DHRSX: variants seen among roughly 807,000 people sequenced by gnomAD.
DHRSX encodes the protein dehydrogenase/reductase X-linked.
Under a neutral mutation model 34.0 loss-of-function variants are expected in DHRSX, and 31 were observed. The ratio of observed to expected loss-of-function variants is 0.91; its 90% confidence interval spans 0.69 to 1.23. The LOEUF is 1.23. DHRSX is among the 50% of genes most tolerant of loss of function. The pLI is 0.00. For synonymous variants in DHRSX, 201 were observed against 183.8 expected, an observed-to-expected ratio of 1.09 and a Z score of -0.76; for missense variants, 414 against 428.1, an observed-to-expected ratio of 0.97 and a Z score of 0.29.
At chrX:2,350,032 C>A (rs1227419807) in intron 3 of DHRSX, among the ~76,000 whole-genome samples, 1 of 150,110 alleles carries the variant, frequency 6.7e-6, no homozygotes, top group Non-Finnish European at 1.5e-5. Flanking sequence ...GAGACTCTGT[C>A]TCAAGAAAAA....
rs374906907 is a variant in DHRSX, at chrX:2,304,204, A to AATGGATGGATGG, written c.287-12613_287-12602dup. On this transcript the variant is annotated intron_variant, in intron 3 of 6. Transcript: ENST00000334651. ...GGATGGATGGATGGATGGATGGATA[A>AATGGATGGATGG]ATGGATGGATGGATGGATGGATGGA... Among the ~76,000 whole-genome samples, 63 of 62,128 alleles carry AATGGATGGATGG rather than the reference A, an allele frequency of 1.0e-3. 1 individual carries two copies. The highest frequency in any genetic ancestry group is 2.4e-3 in the Admixed American group (13 of 5,474). The allele number at this position is 62,128 out of a possible 152,430, so 40.8% of individuals were successfully genotyped here. A position where few individuals can be genotyped will look rare whatever the true frequency, so the allele number is the denominator to read the frequency against.
intron 3 of DHRSX, among the ~76,000 whole-genome samples, chrX:2,358,160 C>T (rs767623235): frequency 6.6e-6 from 1 of 152,062 alleles, no homozygotes; most frequent in Non-Finnish European, 1.5e-5. Context: ...TTTAAAGTTA[C>T]GAAAGTTTCA....
intron 1 of DHRSX, among the ~76,000 whole-genome samples, chrX:2,456,991 T>G (rs1481477776): frequency 1.3e-5 from 2 of 152,010 alleles, no homozygotes; most frequent in African/African-American, 4.8e-5. Context: ...CTGGAGAATG[T>G]CTGAGATGGC....
At chrX:2,497,908 T>C (rs1398673461) in intron 1 of DHRSX, among the ~76,000 whole-genome samples, 1 of 152,202 alleles carries the variant, frequency 6.6e-6, no homozygotes, top group African/African-American at 2.4e-5. Context: ...AATGCACTGA[T>C]TAAATCATCT....
intron 3 of DHRSX, among the ~76,000 whole-genome samples, chrX:2,328,432 T>C (rs934385271): frequency 6.6e-6 from 1 of 151,832 alleles, no homozygotes; most frequent in Non-Finnish European, 1.5e-5. Context: ...GAACCAGCCC[T>C]GCCCATACCT....
intron 5 of DHRSX, among the ~76,000 whole-genome samples, chrX:2,253,313 T>C (rs113444917): frequency 0.013 from 401 of 31,722 alleles, 2 homozygotes; most frequent in African/African-American, 0.043. Context: ...GCCTGGGAGG[T>C]GGACATGGCC....
Position 2,225,230 on chromosome X carries a change from C to G in DHRSX, c.805-4001G>C, listed in dbSNP as rs773292845. ...GCACATTCACATGTACACACATTCA[C>G]ATGCAGTCACACATGCTCACACTCA... On this transcript the variant is annotated intron_variant, in intron 6 of 6. Coordinates refer to ENST00000334651, the MANE Select transcript of DHRSX (RefSeq NM_145177.3). Among the ~76,000 whole-genome samples the G allele has an allele frequency of 7.3e-5, 11 of 151,476 alleles. No individual in the cohort carries two copies. The South Asian group carries it at 1.9e-3, about 26-fold the overall frequency.
intron 3 of DHRSX, among the ~76,000 whole-genome samples, chrX:2,318,316 C>T (rs2042265238): frequency 6.6e-6 from 1 of 150,858 alleles, no homozygotes; most frequent in African/African-American, 2.4e-5. Flanking sequence ...TGCCACTGCA[C>T]TCCAGCCTGG....
At chrX:2,490,877 A>C in intron 1 of DHRSX, 15 of 1,016,142 alleles carry the variant, frequency 1.5e-5, no homozygotes, top group Non-Finnish European at 2.0e-5. Context: ...CTTTCAACCA[A>C]AGGGCACTGG....
intron 3 of DHRSX, among the ~76,000 whole-genome samples, chrX:2,370,889 G>A (rs1456484622): frequency 1.3e-5 from 2 of 152,132 alleles, no homozygotes; most frequent in African/African-American, 4.8e-5. Context: ...CAGCCACAGG[G>A]TTTGGCAGCT....
At chrX:2,329,534 A>C (rs1037220269) in intron 3 of DHRSX, among the ~76,000 whole-genome samples, 1 of 152,152 alleles carries the variant, frequency 6.6e-6, no homozygotes, top group African/African-American at 2.4e-5. Flanking sequence ...AGGTGGGTAC[A>C]TCTATGCAAC....
intron 3 of DHRSX, among the ~76,000 whole-genome samples, chrX:2,292,788 C>T (rs1407164655): frequency 6.6e-6 from 1 of 151,150 alleles, no homozygotes; most frequent in African/African-American, 2.4e-5. Context: ...AAAAAGGACG[C>T]CATTTATGGA....
At chrX:2,450,933 A>C (rs1053926660) in intron 1 of DHRSX, among the ~76,000 whole-genome samples, 2 of 152,014 alleles carry the variant, frequency 1.3e-5, no homozygotes, top group Non-Finnish European at 2.9e-5. Flanking sequence ...TCCTTATAAA[A>C]GGGACCCCAG....
chrX:2,374,577 A>G (rs1167961049), intron 3 of DHRSX, among the ~76,000 whole-genome samples: 4 of 136,234 alleles, frequency 2.9e-5, no homozygotes, highest in African/African-American at 7.4e-5. Flanking sequence ...CATCTCTACT[A>G]AAAATACAAA....
At chrX:2,490,781 G>A in intron 1 of DHRSX, 2 of 1,563,670 alleles carry the variant, frequency 1.3e-6, no homozygotes, top group Non-Finnish European at 1.7e-6. Context: ...TGCTGAGAAG[G>A]GCCAAGACAA....
chrX:2,313,009 T>A (rs868239941), intron 3 of DHRSX, among the ~76,000 whole-genome samples: 4,244 of 151,584 alleles, frequency 0.028, 158 homozygotes, highest in African/African-American at 0.086. Flanking sequence ...GATATATATT[T>A]TTTTTTTTTT....
At chrX:2,405,918 A>C (rs67042657) in intron 3 of DHRSX, among the ~76,000 whole-genome samples, 20,403 of 149,396 alleles carry the variant, frequency 0.14, 4,044 homozygotes, top group African/African-American at 0.44. Context: ...AAAAAAAAAA[A>C]ATAAGGTACC....
At chrX:2,382,754 TATC>T (rs1485735847) in intron 3 of DHRSX, among the ~76,000 whole-genome samples, 1,317 of 26,718 alleles carry the variant, frequency 0.049, 35 homozygotes, top group South Asian at 0.15. Context: ...TCATCATCAC[TATC>T]ATCATCATCA....
rs1569479316 is a variant in DHRSX at position 2,246,752 on chromosome X, A to AAAGAAAG, written c.597-3523_597-3522insCTTTCTT. Among the ~76,000 whole-genome samples, 7 of 141,654 alleles carry AAAGAAAG rather than the reference A, an allele frequency of 4.9e-5. No homozygotes were observed. The East Asian group carries it at 8.6e-4, about 17-fold the overall frequency. The allele number at this position is 141,654 out of a possible 152,430, so 92.9% of individuals were successfully genotyped here. A position where few individuals can be genotyped will look rare whatever the true frequency, so the allele number is the denominator to read the frequency against. On this transcript the variant is annotated intron_variant, in intron 5 of 6. Coordinates refer to ENST00000334651, the MANE Select transcript of DHRSX (RefSeq NM_145177.3). The stretch of plus-strand genomic sequence containing the variant: ...AGAAAGAAAGAAAGAAAGAAAGAAA[A>AAAGAAAG]AGAAAGAAAATAAAAGAATAGAAAA...
Sources: gnomAD v4.1 joint callset for allele counts (sites outside exome capture counted in the v4.1 genomes callset) on GRCh38, gnomAD v4.1.1 for gene constraint, MANE v1.5 for transcripts, NCBI Gene and HGNC (gene_info 2026-07-23, HGNC 2026-07-21) for gene names.